Variants in GPR158 observed in about 807,000 individuals in gnomAD.
The protein encoded by GPR158 is G protein-coupled receptor 158, also known as metabotropic glycine receptor.
GPR158 carries 30 observed loss-of-function variants against 78.2 expected under a neutral mutation model. The ratio of observed to expected loss-of-function variants is 0.38; its 90% CI spans 0.29 to 0.52. GPR158 has a LOEUF of 0.52. Ranked by LOEUF, GPR158 falls within the 20% of genes least tolerant of loss-of-function variation. GPR158 has a pLI of 0.83. For missense variants in GPR158, 1,463 were observed against 1,523.5 expected (o/e 0.96, Z 0.66); for synonymous variants, 581 against 591.1 (o/e 0.98, Z 0.25).
chr10:25,204,728 T>C (rs1182357729), intron 1 of GPR158, among the ~76,000 whole-genome samples: 1 of 152,070 alleles, frequency 6.6e-6, no homozygotes, highest in Non-Finnish European at 1.5e-5. Context: ...TTTTGTTGTG[T>C]CTCTGTCAGG....
chr10:25,479,555 C>A (rs1835634832), intron 5 of GPR158, among the ~76,000 whole-genome samples: 4 of 152,032 alleles, frequency 2.6e-5, no homozygotes, highest in Admixed American at 2.6e-4. Context: ...GCTGGGATTA[C>A]AGGCACCTGT....
At chr10:25,286,251 T>C (rs1854349527) in intron 2 of GPR158, among the ~76,000 whole-genome samples, 1 of 152,106 alleles carries the variant, frequency 6.6e-6, no homozygotes, top group African/African-American at 2.4e-5. Flanking sequence ...GGATGCTCTG[T>C]TTTGATCCTT....
intron 1 of GPR158, among the ~76,000 whole-genome samples, chr10:25,185,479 A>G (rs1350052921): frequency 6.6e-6 from 1 of 152,172 alleles, no homozygotes; most frequent in Admixed American, 6.5e-5. Context: ...TACTACCTAC[A>G]TGGTTAAATG....
At chr10:25,197,081 G>A (rs1008432949) in intron 1 of GPR158, among the ~76,000 whole-genome samples, 7 of 152,268 alleles carry the variant, frequency 4.6e-5, no homozygotes, top group Admixed American at 6.5e-5. Context: ...CCTCTTGTAC[G>A]TACTTCCTGT....
chr10:25,207,169 C>G (rs1270562390), intron 1 of GPR158, among the ~76,000 whole-genome samples: 1 of 152,030 alleles, frequency 6.6e-6, no homozygotes, highest in Admixed American at 6.6e-5. Context: ...CAAAACACAA[C>G]CCTAGAAATG....
intron 1 of GPR158, among the ~76,000 whole-genome samples, chr10:25,188,882 C>T (rs1852728657): frequency 1.3e-5 from 2 of 152,096 alleles, no homozygotes; most frequent in African/African-American, 4.8e-5. Flanking sequence ...ACAATCTACC[C>T]ATCTGACAAA....
intron 3 of GPR158, among the ~76,000 whole-genome samples, chr10:25,408,283 T>C (rs1834541189): frequency 6.6e-6 from 1 of 152,190 alleles, no homozygotes; most frequent in Non-Finnish European, 1.5e-5. Flanking sequence ...CTTCTTATGG[T>C]ATTTTGGTTT....
chr10:25,414,748 G>T (rs535025022), intron 4 of GPR158, among the ~76,000 whole-genome samples: 1 of 152,112 alleles, frequency 6.6e-6, no homozygotes, highest in African/African-American at 2.4e-5. Flanking sequence ...CATTTCTTTC[G>T]GAGTTTCCTA....
intron 4 of GPR158, among the ~76,000 whole-genome samples, chr10:25,422,071 G>A (rs896351765): frequency 6.6e-6 from 1 of 152,150 alleles, no homozygotes; most frequent in Non-Finnish European, 1.5e-5. Context: ...GTAAATGGTA[G>A]TTTTAGATGC....
intron 2 of GPR158, among the ~76,000 whole-genome samples, chr10:25,299,038 A>C (rs939382534): frequency 1.3e-5 from 2 of 152,224 alleles, no homozygotes; most frequent in African/African-American, 4.8e-5. Flanking sequence ...AGCATAATTG[A>C]ACATTTCTTT....
intron 4 of GPR158, among the ~76,000 whole-genome samples, chr10:25,431,760 C>A (rs867153760): frequency 3.4e-4 from 51 of 151,912 alleles, no homozygotes; most frequent in Admixed American, 1.3e-3. Context: ...ATCGCAAGAA[C>A]AAAAAACCAA....
At chr10:25,567,261 C>A (rs1170608235) in intron 6 of GPR158, among the ~76,000 whole-genome samples, 1 of 152,162 alleles carries the variant, frequency 6.6e-6, no homozygotes, top group Non-Finnish European at 1.5e-5. Flanking sequence ...GAAAAATCTA[C>A]CTGGCAGGCT....
intron 2 of GPR158, among the ~76,000 whole-genome samples, chr10:25,320,666 C>T (rs1854935096): frequency 6.6e-6 from 1 of 152,174 alleles, no homozygotes. Flanking sequence ...TGCTATTTGT[C>T]TCTACATATG....
At chr10:25,473,834 C>A (rs561731848) in intron 5 of GPR158, among the ~76,000 whole-genome samples, 1 of 152,196 alleles carries the variant, frequency 6.6e-6, no homozygotes, top group African/African-American at 2.4e-5. Context: ...GACCTTATTT[C>A]AGTTCTCAGA....
intron 2 of GPR158, among the ~76,000 whole-genome samples, chr10:25,395,031 G>A (rs1033333295): frequency 6.6e-6 from 1 of 152,082 alleles, no homozygotes; most frequent in Non-Finnish European, 1.5e-5. Flanking sequence ...TTCAGTGTTG[G>A]TTAGATTATT....
intron 4 of GPR158, among the ~76,000 whole-genome samples, chr10:25,442,245 C>T (rs1442441615): frequency 6.6e-6 from 1 of 151,940 alleles, no homozygotes. Context: ...AATAAGCAAA[C>T]TGAGACATGC....
At chr10:25,200,871 T>TG (rs1320898514) in intron 1 of GPR158, among the ~76,000 whole-genome samples, 10 of 146,782 alleles carry the variant, frequency 6.8e-5, no homozygotes, top group African/African-American at 2.3e-4. Flanking sequence ...TTGTTTTGTT[T>TG]TTTTTTTTTT....
chr10:25,269,762 A>T (rs915680838), intron 2 of GPR158, among the ~76,000 whole-genome samples: 5 of 152,160 alleles, frequency 3.3e-5, no homozygotes, highest in African/African-American at 9.7e-5. Flanking sequence ...AACTGAGCTG[A>T]TGTTGCCAGG....
chr10:25,196,899 T>A (rs16925456), intron 1 of GPR158, among the ~76,000 whole-genome samples: 18,544 of 152,240 alleles, frequency 0.12, 1,326 homozygotes, highest in East Asian at 0.25. Context: ...ACACTCCTGA[T>A]GCCTGCCAAC....
Sources: allele counts gnomAD v4.1 joint callset (sites outside exome capture counted in the v4.1 genomes callset), GRCh38; gene constraint gnomAD v4.1.1; transcripts MANE v1.5; gene names NCBI Gene and HGNC (gene_info 2026-07-23, HGNC 2026-07-21).